CFAP69: variants seen among roughly 807,000 people sequenced by gnomAD.
The protein encoded by CFAP69 is cilia- and flagella-associated protein 69.
Under a neutral mutation model 123.0 loss-of-function variants are expected in CFAP69, and 92 were observed. The observed-to-expected ratio is 0.75, with a 90% CI of 0.63 to 0.89. The LOEUF is 0.89. Among genes scored for constraint, CFAP69 ranks in the 40% least tolerant of loss-of-function variants. The pLI is 0.00. For missense variants in CFAP69, 1,067 were observed against 1,096.9 expected, an observed-to-expected ratio of 0.97 and a Z score of 0.39; for synonymous variants, 380 against 364.3, an observed-to-expected ratio of 1.04 and a Z score of -0.49.
chr7:90,301,428 G>A (rs893058199), intron 17 of CFAP69: 1 of 152,010 alleles, frequency 6.6e-6, no homozygotes, highest in Non-Finnish European at 1.5e-5. Context: ...TTGTCACCCA[G>A]GTACTAAGCC....
rs75374682 is a variant in CFAP69 at position 90,286,701 on chromosome 7, G to A, written c.1656+302G>A. 2.0e-4 allele frequency among the ~76,000 whole-genome samples: 30 copies of A among 152,036 alleles called. 1 individual carries two copies. The East Asian group carries it at 5.8e-3, about 29-fold the overall frequency. On this transcript the variant is annotated intron_variant, in intron 14 of 22. Coordinates refer to ENST00000389297, the MANE Select transcript of CFAP69 (RefSeq NM_001039706.3). ...TTCTGTTTTCTATTCCTATAGGTTGGTTTTCCCTATTCTTTAAGTTTATAT... is the reference window on the plus strand; with the variant it reads ...TTCTGTTTTCTATTCCTATAGGTTGATTTTCCCTATTCTTTAAGTTTATAT...
intron 19 of CFAP69, among the ~76,000 whole-genome samples, chr7:90,306,346 A>G (rs1297943219): frequency 6.6e-6 from 1 of 152,214 alleles, no homozygotes; most frequent in African/African-American, 2.4e-5. Flanking sequence ...ACTTCTAGAC[A>G]GCCTAGAATA....
At chr7:90,308,907 T>C (rs1259393049) in intron 21 of CFAP69, among the ~76,000 whole-genome samples, 1 of 152,174 alleles carries the variant, frequency 6.6e-6, no homozygotes, top group East Asian at 1.9e-4. Context: ...TTATGCAATA[T>C]GTTTTGCAAT....
downstream of CFAP69, among the ~76,000 whole-genome samples, chr7:90,313,229 TG>T (rs1457770522): frequency 6.6e-6 from 1 of 152,238 alleles, no homozygotes; most frequent in Non-Finnish European, 1.5e-5. Context: ...TCCTCTAAAC[TG>T]TGACCAAACA....
At chr7:90,301,431 A>G (rs1269144793) in intron 17 of CFAP69, 1 of 152,130 alleles carries the variant, frequency 6.6e-6, no homozygotes, top group African/African-American at 2.4e-5. Context: ...TCACCCAGGT[A>G]CTAAGCCTAG....
At chr7:90,299,117 T>A (rs552256703) in intron 16 of CFAP69, among the ~76,000 whole-genome samples, 6 of 152,296 alleles carry the variant, frequency 3.9e-5, no homozygotes, top group Admixed American at 3.9e-4. Flanking sequence ...AGGAAACTGA[T>A]GATGTTCGCA....
At chr7:90,321,464 G>A in the CFAP69 span, among the ~76,000 whole-genome samples, 1 of 152,338 alleles carries the variant, frequency 6.6e-6, no homozygotes, top group East Asian at 1.9e-4. Context: ...CGCTGCTCTC[G>A]CCTCTCCTGC....
chr7:90,311,458 T>C (rs1352788701), downstream of CFAP69, among the ~76,000 whole-genome samples: 1 of 152,222 alleles, frequency 6.6e-6, no homozygotes, highest in Non-Finnish European at 1.5e-5. Context: ...TCACACAGTA[T>C]AAATACTGCC....
At chr7:90,299,212 T>C (rs2117321315) in intron 16 of CFAP69, among the ~76,000 whole-genome samples, 1 of 152,290 alleles carries the variant, frequency 6.6e-6, no homozygotes, top group African/African-American at 2.4e-5. Context: ...GTATTTCACA[T>C]AGAAGAATTA....
intron 1 of CFAP69, among the ~76,000 whole-genome samples, chr7:90,254,615 C>T (rs980168485): frequency 1.3e-5 from 2 of 152,096 alleles, no homozygotes; most frequent in Non-Finnish European, 2.9e-5. Context: ...GAGAGCACGG[C>T]ATTTTTCTAG....
intron 1 of CFAP69, among the ~76,000 whole-genome samples, chr7:90,249,252 C>G (rs1584283862): frequency 6.6e-6 from 1 of 152,160 alleles, no homozygotes; most frequent in Non-Finnish European, 1.5e-5. Flanking sequence ...TTTGCTCTCT[C>G]TCTCTCTGTC....
the CFAP69 span, chr7:90,318,262 T>C: frequency 1.3e-5 from 2 of 152,226 alleles, no homozygotes; most frequent in Middle Eastern, 3.2e-3. Flanking sequence ...TGAAATAAGA[T>C]GTGAGATATA....
intron 17 of CFAP69, chr7:90,301,502 C>T (rs1003103905): frequency 6.6e-6 from 1 of 152,044 alleles, no homozygotes; most frequent in African/African-American, 2.4e-5. Context: ...TCTAATAGGC[C>T]TCAGTGTGTG....
At position 90,264,249 on chromosome 7, in the gene CFAP69, A is replaced by T. The variant is rs551511416; in HGVS notation, c.357-1052A>T. Among the ~76,000 whole-genome samples the T allele has an allele frequency of 1.2e-3, 182 of 150,862 alleles. No homozygotes were observed. In the East Asian group the frequency reaches 0.019, roughly 16 times the overall value. On this transcript the variant is annotated intron_variant, in intron 4 of 22. Transcript: ENST00000389297. The stretch of plus-strand genomic sequence containing the variant: ...AAATGTCAAGATAGTTTATATATTT[A>T]AAAAATAACTTTTATATTTTCTTTG...
intron 12 of CFAP69, among the ~76,000 whole-genome samples, chr7:90,282,343 T>G (rs1789614447): frequency 6.6e-6 from 1 of 152,154 alleles, no homozygotes; most frequent in African/African-American, 2.4e-5. Flanking sequence ...AGCAAGACCC[T>G]GTCTCTTAAA....
In CFAP69 at chr7:90,262,038, A is replaced by T. The variant is rs759438054; in HGVS notation, c.338A>T (p.Asp113Val). The change falls in exon 4 of 23, where the codon GAT becomes GTT. Residue 113 changes from aspartate to valine, a missense_variant. Physicochemically the swap from Asp to Val is radical, Grantham distance 152. Coordinates refer to ENST00000389297, the MANE Select transcript of CFAP69 (RefSeq NM_001039706.3). ...NQPRFIESAY[D>V]IIKLCGLPFL... Reference sequence around the variant, plus strand: ...CCTCGTTTTATAGAATCTGCATATGATATCATAAAACTGTGTGGGTAAGTT... The same window carrying T: ...CCTCGTTTTATAGAATCTGCATATGTTATCATAAAACTGTGTGGGTAAGTT... The T allele has an allele frequency of 2.2e-5, 35 of 1,587,136 alleles. No homozygotes were observed. Among genetic ancestry groups the T allele is most frequent in the Non-Finnish European group, 1.7e-6 (2 of 1,167,102 alleles).
downstream of CFAP69, among the ~76,000 whole-genome samples, chr7:90,311,470 C>T (rs1259578865): frequency 6.6e-6 from 1 of 152,224 alleles, no homozygotes; most frequent in East Asian, 1.9e-4. Context: ...AATACTGCCA[C>T]TATTACCAAT....
chr7:90,270,484 G>C (rs1444831666), intron 6 of CFAP69, among the ~76,000 whole-genome samples: 1 of 152,014 alleles, frequency 6.6e-6, no homozygotes, highest in African/African-American at 2.4e-5. Flanking sequence ...GTTATCTCTA[G>C]ATTATGAAAA....
In CFAP69 at chr7:90,304,812, G is replaced by T; in HGVS notation, c.2257G>T (p.Asp753Tyr). Reference sequence around the variant, plus strand: ...CCTTTGTATCATACATAGATATCTTGATTTTAAAGTAAGTATCTTTTTAAT... The same window carrying T: ...CCTTTGTATCATACATAGATATCTTTATTTTAAAGTAAGTATCTTTTTAAT... Reference protein sequence around the residue: ...VTLCIIHRYLDFKIGEIWNEI... With the variant: ...VTLCIIHRYLYFKIGEIWNEI... Residue 753 changes from aspartate (D) to tyrosine (Y), a missense_variant, in exon 19 of 23, where the codon GAT becomes TAT. Physicochemically the swap from Asp to Tyr is radical, Grantham distance 160 (BLOSUM62 -3). Transcript: ENST00000389297. 1 of 1,475,034 alleles carries T rather than the reference G, an allele frequency of 6.8e-7. No homozygotes were observed. Among genetic ancestry groups the T allele is most frequent in the South Asian group, 1.2e-5 (1 of 84,190 alleles). 91.4% of individuals were successfully genotyped at this position (1,475,034 alleles called of 1,614,324 possible).
Sources: gnomAD v4.1 joint callset for allele counts (sites outside exome capture counted in the v4.1 genomes callset) on GRCh38, gnomAD v4.1.1 for gene constraint, MANE v1.5 for transcripts, NCBI Gene and HGNC (gene_info 2026-07-23, HGNC 2026-07-21) for gene names.